The following PCDH11X variants were observed in gnomAD, a reference collection of about 807,000 sequenced individuals.
PCDH11X encodes protocadherin 11 X-linked.
A neutral mutation model predicts 53.3 loss-of-function variants in PCDH11X; 18 were observed. The ratio of observed to expected loss-of-function variants is 0.34; its 90% confidence interval spans 0.23 to 0.50. The LOEUF (loss-of-function observed/expected upper bound fraction) is 0.50, where lower values mean the gene tolerates loss of function less well. PCDH11X is among the 20% of genes least tolerant of loss of function. The pLI, the probability that PCDH11X is intolerant of heterozygous loss-of-function variation, is 0.98. For missense variants in PCDH11X, 570 were observed against 1,032.4 expected (o/e 0.55, Z 6.14); for synonymous variants, 279 against 393.3 (o/e 0.71, Z 3.44).
At position 92,496,287 on chromosome X, in the gene PCDH11X, C is replaced by T. The variant is rs1161208668; in HGVS notation, c.3367+27965C>T. Among the ~76,000 whole-genome samples, 19 of 94,111 alleles carry T rather than the reference C, an allele frequency of 2.0e-4. 2 individuals carry two copies. Among genetic ancestry groups the T allele is most frequent in the African/African-American group, 8.1e-4 (19 of 23,589 alleles). The allele number at this position is 94,111 out of a possible 115,157, so 81.7% of individuals were successfully genotyped here. ...AAGAACAGGTAGTCTCTTCAAAATC[C>T]CAGAAGTTGAGCCTTAGCTGAGGTT... On this transcript the variant is annotated intron_variant, in intron 10 of 10. Transcript: ENST00000682573.
intron 10 of PCDH11X, among the ~76,000 whole-genome samples, chrX:92,577,152 C>G (rs893890381): frequency 3.6e-5 from 4 of 109,994 alleles, no homozygotes; most frequent in African/African-American, 1.3e-4. Context: ...TGGTAGAATT[C>G]AGCTGTAAAT....
intron 5 of PCDH11X, among the ~76,000 whole-genome samples, chrX:91,866,311 A>C (rs994870117): frequency 9.0e-6 from 1 of 111,079 alleles, no homozygotes; most frequent in Non-Finnish European, 1.9e-5. Flanking sequence ...CTTGCCTAAG[A>C]GTTGTAGTCC....
At chrX:92,562,043 G>A (rs1041603085) in intron 10 of PCDH11X, among the ~76,000 whole-genome samples, 7 of 103,470 alleles carry the variant, frequency 6.8e-5, no homozygotes, top group Non-Finnish European at 1.4e-4. Context: ...AGGTTGTACA[G>A]AAAGCATGAT....
chrX:92,275,683 C>T (rs1268218025), intron 8 of PCDH11X, among the ~76,000 whole-genome samples: 1 of 111,795 alleles, frequency 8.9e-6, no homozygotes, highest in African/African-American at 3.3e-5. Flanking sequence ...ACTTGTAAGG[C>T]TTGTCTGGTT....
In PCDH11X at chrX:92,287,077, A is replaced by G. The variant is rs182832683; in HGVS notation, c.3144+23934A>G. On this transcript the variant is annotated intron_variant, in intron 8 of 10. Transcript: ENST00000682573. ...ACTGTATTTACGTGACTTTAAGACA[A>G]TGGGTGCCAAACTAGTGGTTTGTTG... is the stretch of plus-strand genomic sequence containing the variant. 1.3e-3 allele frequency among the ~76,000 whole-genome samples: 147 copies of G among 111,837 alleles called. 1 individual carries two copies. Among genetic ancestry groups the G allele is most frequent in the African/African-American group, 4.6e-3 (142 of 30,868 alleles).
chrX:92,361,243 TG>T (rs1194078697), intron 8 of PCDH11X, among the ~76,000 whole-genome samples: 25 of 109,719 alleles, frequency 2.3e-4, no homozygotes, highest in Non-Finnish European at 4.0e-4. Flanking sequence ...CAATTCCCCC[TG>T]TTTGCATCTT....
intron 1 of PCDH11X, among the ~76,000 whole-genome samples, chrX:91,799,560 T>C (rs1010946659): frequency 8.9e-6 from 1 of 112,015 alleles, no homozygotes; most frequent in Admixed American, 9.5e-5. Flanking sequence ...AGTTTCCTGG[T>C]TGTGAAATAA....
intron 10 of PCDH11X, among the ~76,000 whole-genome samples, chrX:92,539,270 T>C (rs2074717198): frequency 1.8e-5 from 2 of 110,828 alleles, no homozygotes; most frequent in East Asian, 2.9e-4. Flanking sequence ...CTAGATCTTA[T>C]AGTTGTACTT....
At chrX:91,786,857 A>G (rs1935352263) in intron 1 of PCDH11X, among the ~76,000 whole-genome samples, 1 of 110,980 alleles carries the variant, frequency 9.0e-6, no homozygotes, top group Non-Finnish European at 1.9e-5. Flanking sequence ...CTTTGAGTAT[A>G]TGTTGTCAAA....
At chrX:92,091,091 A>C (rs1183869898) in intron 6 of PCDH11X, among the ~76,000 whole-genome samples, 2 of 111,731 alleles carry the variant, frequency 1.8e-5, no homozygotes, top group Non-Finnish European at 3.8e-5. Context: ...AGCATTGATC[A>C]GCACTTGAAT....
chrX:92,232,637 A>G (rs760615898), intron 7 of PCDH11X, among the ~76,000 whole-genome samples: 1 of 112,411 alleles, frequency 8.9e-6, no homozygotes, highest in East Asian at 2.8e-4. Flanking sequence ...TAGACAATAA[A>G]TCTAAAGATA....
At chrX:92,584,786 T>C (rs1355638910) in intron 10 of PCDH11X, among the ~76,000 whole-genome samples, 4 of 86,289 alleles carry the variant, frequency 4.6e-5, no homozygotes, top group Non-Finnish European at 8.4e-5. Flanking sequence ...TTCTCTTTTT[T>C]TCCTTTTTTT....
chrX:92,508,218 T>TG (rs1277285074), intron 10 of PCDH11X, among the ~76,000 whole-genome samples: 10 of 109,818 alleles, frequency 9.1e-5, no homozygotes, highest in African/African-American at 3.3e-4. Context: ...ACTTTGTTTT[T>TG]TTTTGTTGTT....
chrX:92,158,648 T>C (rs954213469), intron 6 of PCDH11X, among the ~76,000 whole-genome samples: 1 of 111,676 alleles, frequency 9.0e-6, no homozygotes, highest in Non-Finnish European at 1.9e-5. Flanking sequence ...AATATATATA[T>C]ATTTTTGAAA....
intron 10 of PCDH11X, among the ~76,000 whole-genome samples, chrX:92,534,660 T>A (rs1602275277): frequency 9.0e-6 from 1 of 110,955 alleles, no homozygotes; most frequent in Non-Finnish European, 1.9e-5. Context: ...GAGAGAAAGG[T>A]CAGGTTACCC....
chrX:92,064,487 AAAATAAAT>A (rs3084448), intron 6 of PCDH11X, among the ~76,000 whole-genome samples: 44 of 89,894 alleles, frequency 4.9e-4, no homozygotes, highest in South Asian at 2.5e-3. Flanking sequence ...ACACAAATTA[AAAATAAAT>A]AAATAAATAA....
intron 6 of PCDH11X, among the ~76,000 whole-genome samples, chrX:91,898,238 A>G (rs962577359): frequency 3.4e-4 from 37 of 108,852 alleles, no homozygotes; most frequent in Non-Finnish European, 6.1e-4. Flanking sequence ...CTCATTTTAA[A>G]GATTGAGCTC....
intron 10 of PCDH11X, among the ~76,000 whole-genome samples, chrX:92,499,132 GTTTC>G (rs928832964): frequency 1.9e-5 from 2 of 107,699 alleles, no homozygotes; most frequent in African/African-American, 6.7e-5. Flanking sequence ...TTCATATTTT[GTTTC>G]TTTCTATTAA....
chrX:92,142,902 CCACACACACACAGATGCATGCACA>C (rs1299987813), intron 6 of PCDH11X, among the ~76,000 whole-genome samples: 1 of 83,897 alleles, frequency 1.2e-5, no homozygotes, highest in Non-Finnish European at 2.2e-5. Flanking sequence ...TATATATACA[CCACACACACACAGATGCATGCACA>C]CACACACACA....
Sources: allele counts gnomAD v4.1 joint callset (sites outside exome capture counted in the v4.1 genomes callset), GRCh38; gene constraint gnomAD v4.1.1; transcripts MANE v1.5; gene names NCBI Gene and HGNC (gene_info 2026-07-23, HGNC 2026-07-21).